UNC13C: variants seen among roughly 807,000 people sequenced by gnomAD.
UNC13C encodes the protein unc-13 homolog C.
In UNC13C, 174 loss-of-function variants were observed where a neutral mutation model predicts 245.4. The observed-to-expected ratio is 0.71, with a 90% CI of 0.63 to 0.80. The LOEUF (loss-of-function observed/expected upper bound fraction) is 0.80. UNC13C is among the 30% of genes least tolerant of loss of function. The probability of loss-of-function intolerance (pLI) is 0.00; values close to 1 mark genes in which losing one functional copy is unlikely to be tolerated. For synonymous variants in UNC13C, 992 were observed against 895.1 expected, an observed-to-expected ratio of 1.11 and a Z score of -1.93; for missense variants, 2,829 against 2,602.9, an observed-to-expected ratio of 1.09 and a Z score of -1.89.
chr15:54,048,463 G>A (rs1897134934), intron 2 of UNC13C: 10 of 606,980 alleles, frequency 1.6e-5, no homozygotes, highest in South Asian at 1.4e-4. Context: ...TGATAATGAG[G>A]CCAGCCTGAA....
At chr15:54,038,486 T>C (rs1260742634) in intron 2 of UNC13C, among the ~76,000 whole-genome samples, 2 of 152,208 alleles carry the variant, frequency 1.3e-5, no homozygotes, top group Non-Finnish European at 1.5e-5. Context: ...CAATCACTTG[T>C]TAAAATTAAG....
chr15:54,610,222 T>C lies in UNC13C; in HGVS notation c.6107-12105T>C, dbSNP rs72740037. On this transcript the variant is annotated intron_variant, in intron 30 of 32. Coordinates refer to ENST00000260323, the MANE Select transcript of UNC13C (RefSeq NM_001080534.3). ...GATGTACTCACTAGTTTACTACTTA[T>C]AGACATATCGGTTGTCTTTAGCTTT... Among the ~76,000 whole-genome samples the C allele has an allele frequency of 9.7e-3, 1,483 of 152,308 alleles. 10 individuals carry two copies. The highest frequency in any genetic ancestry group is 0.016 in the Non-Finnish European group (1,111 of 68,014).
At chr15:54,396,503 C>A (rs1382489145) in intron 18 of UNC13C, among the ~76,000 whole-genome samples, 1 of 151,112 alleles carries the variant, frequency 6.6e-6, no homozygotes, top group Non-Finnish European at 1.5e-5. Flanking sequence ...ACGTATATAC[C>A]ACAATATGTT....
At chr15:54,246,136 A>G (rs2035984440) in intron 7 of UNC13C, among the ~76,000 whole-genome samples, 1 of 152,184 alleles carries the variant, frequency 6.6e-6, no homozygotes, top group South Asian at 2.1e-4. Context: ...ATCAATAGAA[A>G]AGGCAATTCA....
downstream of UNC13C, chr15:54,632,061 C>G (rs1224412724): frequency 6.6e-6 from 1 of 152,074 alleles, no homozygotes; most frequent in Non-Finnish European, 1.5e-5. Context: ...TCTCAACATG[C>G]CTTTAATTTG....
chr15:53,853,542 G>A, the UNC13C span, among the ~76,000 whole-genome samples: 2 of 151,870 alleles, frequency 1.3e-5, no homozygotes, highest in East Asian at 1.9e-4. Context: ...ATGGTATTTC[G>A]GCCTCTAGGT....
chr15:54,598,972 G>A (rs1032772118), intron 30 of UNC13C, among the ~76,000 whole-genome samples: 5 of 152,030 alleles, frequency 3.3e-5, no homozygotes, highest in African/African-American at 4.8e-5. Flanking sequence ...AATCAATTGT[G>A]CTATGGTAAA....
At chr15:53,867,636 T>G in the UNC13C span, among the ~76,000 whole-genome samples, 1 of 152,192 alleles carries the variant, frequency 6.6e-6, no homozygotes, top group Admixed American at 6.5e-5. Context: ...GGCAGGGAAC[T>G]CTGGTCCTGT....
At chr15:54,385,167 A>G (rs1022048155) in intron 17 of UNC13C, among the ~76,000 whole-genome samples, 3 of 152,132 alleles carry the variant, frequency 2.0e-5, no homozygotes, top group African/African-American at 4.8e-5. Flanking sequence ...AGCATTATTC[A>G]CAAAGAATAG....
At chr15:54,149,589 A>G (rs1479920885) in intron 4 of UNC13C, among the ~76,000 whole-genome samples, 1 of 152,204 alleles carries the variant, frequency 6.6e-6, no homozygotes, top group Non-Finnish European at 1.5e-5. Context: ...CTGATCTTCT[A>G]ACCAATCTTC....
At chr15:54,193,648 A>G (rs1429070963) in intron 4 of UNC13C, among the ~76,000 whole-genome samples, 1 of 152,168 alleles carries the variant, frequency 6.6e-6, no homozygotes. Context: ...AACTAATTGA[A>G]TAGCTAGGCA....
intron 17 of UNC13C, among the ~76,000 whole-genome samples, chr15:54,370,033 T>C (rs1567220811): frequency 6.6e-6 from 1 of 152,152 alleles, no homozygotes. Flanking sequence ...TAACAGTGTT[T>C]GTTGAGTTTT....
At chr15:54,328,282 A>G (rs1463554609) in intron 14 of UNC13C, among the ~76,000 whole-genome samples, 1 of 151,360 alleles carries the variant, frequency 6.6e-6, no homozygotes, top group Non-Finnish European at 1.5e-5. Flanking sequence ...CAATATGTTC[A>G]TGTTTAACAC....
At chr15:54,065,026 G>T (rs535820196) in intron 2 of UNC13C, among the ~76,000 whole-genome samples, 4 of 152,134 alleles carry the variant, frequency 2.6e-5, no homozygotes, top group Non-Finnish European at 5.9e-5. Context: ...TCACCCCAAT[G>T]GTATCCTTGG....
At chr15:53,868,012 A>G in the UNC13C span, among the ~76,000 whole-genome samples, 1 of 152,124 alleles carries the variant, frequency 6.6e-6, no homozygotes, top group African/African-American at 2.4e-5. Context: ...AAAAATATAT[A>G]TTTGTAGAGG....
At chr15:54,007,794 G>A (rs1895207877) in intron 1 of UNC13C, among the ~76,000 whole-genome samples, 1 of 152,110 alleles carries the variant, frequency 6.6e-6, no homozygotes, top group African/African-American at 2.4e-5. Flanking sequence ...CAGGTAATAA[G>A]CATATTTCTA....
At chr15:54,345,233 A>G (rs939915807) in intron 17 of UNC13C, among the ~76,000 whole-genome samples, 17 of 152,238 alleles carry the variant, frequency 1.1e-4, no homozygotes, top group African/African-American at 3.4e-4. Flanking sequence ...AGGTGTTCAC[A>G]AAAGCATTTG....
At chr15:54,618,930 C>A (rs779298823) in intron 30 of UNC13C, among the ~76,000 whole-genome samples, 7 of 152,064 alleles carry the variant, frequency 4.6e-5, no homozygotes, top group Non-Finnish European at 1.0e-4. Flanking sequence ...AACAAAAAAC[C>A]TCTTACTGTC....
At chr15:54,288,734 CT>C (rs2140928469) in intron 10 of UNC13C, among the ~76,000 whole-genome samples, 1 of 152,164 alleles carries the variant, frequency 6.6e-6, no homozygotes, top group East Asian at 1.9e-4. Context: ...GTATATATGA[CT>C]TTTGGGCAGT....
Sources: allele counts gnomAD v4.1 joint callset (sites outside exome capture counted in the v4.1 genomes callset), GRCh38; gene constraint gnomAD v4.1.1; transcripts MANE v1.5; gene names NCBI Gene and HGNC (gene_info 2026-07-23, HGNC 2026-07-21).